CDC5L: variants seen among roughly 807,000 people sequenced by gnomAD.
CDC5L encodes cell division cycle 5 like.
CDC5L carries 18 observed loss-of-function variants against 104.1 expected under a neutral mutation model. The observed-to-expected ratio is 0.17, with a 90% confidence interval of 0.12 to 0.26. The LOEUF is 0.26. Among genes scored for constraint, CDC5L ranks in the 10% least tolerant of loss-of-function variants. CDC5L has a pLI of 1.00. For synonymous variants in CDC5L, 331 were observed against 322.7 expected (o/e 1.03, Z -0.28); for missense variants, 673 against 956.9 (o/e 0.70, Z 3.91).
Position 44,387,946 on chromosome 6 carries a change from G to T in CDC5L, c.45+78G>T, listed in dbSNP as rs1561965076. 3 of 1,397,542 alleles carry T rather than the reference G, an allele frequency of 2.1e-6. No individual in the cohort carries two copies. The African/African-American group carries it at 4.3e-5, about 20-fold the overall frequency. The allele number at this position is 1,397,542 out of a possible 1,614,324, so 86.6% of individuals were successfully genotyped here. ...TGCGCACGCGCGCGGAGGTCGGGGG[G>T]GCGACGAGGAGACCCTGTGGGGTCT... On this transcript the variant is annotated intron_variant, in intron 1 of 15. Transcript: ENST00000371477.
chr6:44,439,816 G>A (rs2153383751), intron 14 of CDC5L, among the ~76,000 whole-genome samples: 1 of 152,268 alleles, frequency 6.6e-6, no homozygotes, highest in East Asian at 1.9e-4. Flanking sequence ...ATAACAACTT[G>A]TAGCAATGAC....
Position 44,387,944 on chromosome 6 carries a change from G to GGC in CDC5L, c.45+77_45+78insCG, listed in dbSNP as rs1790407648. ...TGTGCGCACGCGCGCGGAGGTCGGG[G>GGC]GGGCGACGAGGAGACCCTGTGGGGT... On this transcript the variant is annotated intron_variant, in intron 1 of 15. Transcript: ENST00000371477. The GGC allele has an allele frequency of 4.2e-6, 6 of 1,417,882 alleles. No individual in the cohort carries two copies. The East Asian group carries it at 1.0e-4, about 24-fold the overall frequency. The allele number at this position is 1,417,882 out of a possible 1,614,324, so 87.8% of individuals were successfully genotyped here.
At chr6:44,398,321 G>A (rs1422244374) in intron 5 of CDC5L, among the ~76,000 whole-genome samples, 1 of 152,150 alleles carries the variant, frequency 6.6e-6, no homozygotes, top group Non-Finnish European at 1.5e-5. Context: ...ATGGTTGTAG[G>A]GGACCAAATT....
Position 44,406,485 on chromosome 6 carries a change from A to C in CDC5L, c.903+18A>C, listed in dbSNP as rs774182250. On this transcript the variant is annotated intron_variant, in intron 7 of 15. Transcript: ENST00000371477. ...CCCCTCAGGTAATCTGATAAAAGCA[A>C]ATTTTTCACTATGTGAATTTATATG... is the stretch of plus-strand genomic sequence containing the variant. 46 of 1,592,304 alleles carry C rather than the reference A, an allele frequency of 2.9e-5. No individual in the cohort carries two copies. The highest frequency in any genetic ancestry group is 3.7e-5 in the Non-Finnish European group (43 of 1,171,392).
At chr6:44,399,421 A>C (rs774288433) in intron 5 of CDC5L, among the ~76,000 whole-genome samples, 1 of 152,090 alleles carries the variant, frequency 6.6e-6, no homozygotes, top group Non-Finnish European at 1.5e-5. Flanking sequence ...TATATCTTCA[A>C]ATATTTAATT....
chr6:44,395,077 GA>G (rs1002888085), intron 4 of CDC5L, among the ~76,000 whole-genome samples: 5 of 152,240 alleles, frequency 3.3e-5, no homozygotes, highest in Non-Finnish European at 7.4e-5. Flanking sequence ...TGATCTCATG[GA>G]GTTAGAATAG....
At chr6:44,416,416 G>A (rs1204481555) in intron 8 of CDC5L, among the ~76,000 whole-genome samples, 1 of 152,160 alleles carries the variant, frequency 6.6e-6, no homozygotes, top group African/African-American at 2.4e-5. Flanking sequence ...TAAAGGAGGA[G>A]AATTGGATAT....
In CDC5L at chr6:44,441,648, C is replaced by G. The variant is rs1030051934; in HGVS notation, c.2092-4007C>G. ...ACTGTTTTTCATTTTTTTAAATAAC[C>G]AGTCTAACAGGTGTAAGGTAATACC... On this transcript the variant is annotated intron_variant, in intron 14 of 15. Transcript: ENST00000371477. Among the ~76,000 whole-genome samples the G allele has an allele frequency of 3.3e-5, 5 of 152,206 alleles. No homozygotes were observed. The East Asian group carries it at 9.7e-4, about 29-fold the overall frequency.
chr6:44,396,061 C>T (rs1349237785), intron 4 of CDC5L, among the ~76,000 whole-genome samples: 1 of 152,116 alleles, frequency 6.6e-6, no homozygotes, highest in Non-Finnish European at 1.5e-5. Context: ...TCTCAAAATC[C>T]TTGTGAAATA....
intron 10 of CDC5L, 133 bp from the exon 11 acceptor site, chr6:44,424,286 C>G (rs1391064138): frequency 9.3e-6 from 7 of 755,356 alleles, no homozygotes; most frequent in Middle Eastern, 3.9e-4. Flanking sequence ...TCCAATTATT[C>G]TTAGTTATTT....
At chr6:44,414,529 G>T (rs865795486) in intron 8 of CDC5L, among the ~76,000 whole-genome samples, 2 of 150,782 alleles carry the variant, frequency 1.3e-5, no homozygotes, top group African/African-American at 4.9e-5. Flanking sequence ...TAGAGACAGG[G>T]TCTTGCTGGT....
Position 44,429,878 on chromosome 6 carries a change from G to C in CDC5L, c.2059G>C (p.Asp687His). The C allele has an allele frequency of 6.2e-7, 1 of 1,614,000 alleles. No individual in the cohort carries two copies. Among genetic ancestry groups the C allele is most frequent in the Non-Finnish European group, 8.5e-7 (1 of 1,179,918 alleles). The change falls in exon 14 of 16, where the codon GAC (aspartate) becomes CAC (histidine). Residue 687 changes from aspartate (D) to histidine (H), a missense_variant. Asp to His is a moderately conservative substitution (Grantham distance 81). Transcript: ENST00000371477. The part of the protein sequence containing the change: ...YTRANLASKK[D>H]RIESLEKRLE... Reference sequence around the variant, plus strand: ...ACGGGCCAATCTGGCTAGTAAAAAGGACAGAATTGAATCACTTGAAAAGAG... The same window carrying C: ...ACGGGCCAATCTGGCTAGTAAAAAGCACAGAATTGAATCACTTGAAAAGAG...
chr6:44,424,450 G>T lies in CDC5L; in HGVS notation c.1436G>T (p.Gly479Val). 5 of 1,613,900 alleles carry T rather than the reference G, an allele frequency of 3.1e-6. No homozygotes were observed. Among genetic ancestry groups the T allele is most frequent in the Non-Finnish European group, 4.2e-6 (5 of 1,179,870 alleles). The change falls in exon 11 of 16, where the codon GGG becomes GTG. Residue 479 changes from glycine (G) to valine (V), a missense_variant. Transcript: ENST00000371477. ...ERESREHLRL[G>V]LLGLPAPKND... ...GAATCCCGAGAACATCTCCGTTTAG[G>T]GTTGTTGGGCCTTCCTGCCCCTAAG...
At chr6:44,397,428 C>T (rs941172575) in intron 5 of CDC5L, among the ~76,000 whole-genome samples, 1 of 152,160 alleles carries the variant, frequency 6.6e-6, no homozygotes, top group African/African-American at 2.4e-5. Flanking sequence ...GTATTCTTTA[C>T]CTTCTTTATT....
intron 8 of CDC5L, among the ~76,000 whole-genome samples, chr6:44,413,072 G>C (rs543260811): frequency 7.9e-5 from 12 of 152,184 alleles, no homozygotes; most frequent in African/African-American, 2.9e-4. Context: ...GTGAGCCACC[G>C]CGCCCGGCCC....
intron 9 of CDC5L, among the ~76,000 whole-genome samples, chr6:44,421,148 T>C (rs1792152826): frequency 6.6e-6 from 1 of 152,234 alleles, no homozygotes; most frequent in South Asian, 2.1e-4. Flanking sequence ...TTTTACTATA[T>C]TTGCTTTATC....
At chr6:44,423,588 G>C (rs530065091) in intron 10 of CDC5L, among the ~76,000 whole-genome samples, 2 of 152,266 alleles carry the variant, frequency 1.3e-5, no homozygotes, top group African/African-American at 4.8e-5. Flanking sequence ...TCTGAAGGAG[G>C]GTGGGGGCTG....
intron 1 of CDC5L, among the ~76,000 whole-genome samples, chr6:44,388,704 C>G (rs1256765601): frequency 2.2e-5 from 3 of 138,594 alleles, no homozygotes; most frequent in African/African-American, 8.1e-5. Flanking sequence ...CATCTTTTGC[C>G]TTCCTAGCGC....
At chr6:44,403,351 C>T (rs1046674870) in intron 5 of CDC5L, among the ~76,000 whole-genome samples, 5 of 148,108 alleles carry the variant, frequency 3.4e-5, no homozygotes, top group Admixed American at 6.7e-5. Flanking sequence ...AAAAACTTTG[C>T]TTAGACTGTT....
Sources: gnomAD v4.1 joint callset for allele counts (sites outside exome capture counted in the v4.1 genomes callset) on GRCh38, gnomAD v4.1.1 for gene constraint, MANE v1.5 for transcripts, NCBI Gene and HGNC (gene_info 2026-07-23, HGNC 2026-07-21) for gene names.